The following EHBP1 variants were observed in gnomAD, a reference collection of about 807,000 sequenced individuals.
EHBP1 encodes EH domain binding protein 1.
In EHBP1, 55 loss-of-function variants were observed where a neutral mutation model predicts 144.0. That is an observed-to-expected ratio of 0.38 (90% CI 0.31 to 0.48). EHBP1 has a LOEUF of 0.48. EHBP1 is among the 20% of genes least tolerant of loss of function. The pLI, the probability that EHBP1 is intolerant of heterozygous loss-of-function variation, is 0.98. For synonymous variants in EHBP1, 469 were observed against 472.7 expected, an observed-to-expected ratio of 0.99 and a Z score of 0.10; for missense variants, 1,200 against 1,364.2, an observed-to-expected ratio of 0.88 and a Z score of 1.90.
At chr2:62,829,928 T>A (rs2046677244) in intron 6 of EHBP1, among the ~76,000 whole-genome samples, 1 of 150,964 alleles carries the variant, frequency 6.6e-6, no homozygotes, top group Admixed American at 6.6e-5. Flanking sequence ...AAAAACAGTA[T>A]GGAGATTCCT....
Position 62,948,232 on chromosome 2 carries a change from A to G in EHBP1, c.1414-28A>G, listed in dbSNP as rs189674845. On this transcript the variant is annotated intron_variant, in intron 12 of 22. Transcript: ENST00000431489. ...GTGTGAATTATATGAACTGTTCAATATATCTTTTGTTTTTCCTTCCTTTGA... is the reference window on the plus strand; with the variant it reads ...GTGTGAATTATATGAACTGTTCAATGTATCTTTTGTTTTTCCTTCCTTTGA... 9.3e-5 allele frequency: 141 copies of G among 1,515,432 alleles called. No homozygotes were observed. In the African/African-American group the frequency reaches 1.6e-3, roughly 17 times the overall value. 93.9% of individuals were successfully genotyped at this position (1,515,432 alleles called of 1,614,324 possible).
chr2:62,801,384 C>A (rs2043974069), intron 5 of EHBP1, among the ~76,000 whole-genome samples: 1 of 152,180 alleles, frequency 6.6e-6, no homozygotes, highest in Non-Finnish European at 1.5e-5. Context: ...TTATATCAAT[C>A]ACACCATCTA....
intron 14 of EHBP1, among the ~76,000 whole-genome samples, chr2:62,973,007 C>G (rs911108349): frequency 6.6e-6 from 1 of 152,036 alleles, no homozygotes; most frequent in Admixed American, 6.6e-5. Flanking sequence ...TAAGTACAAA[C>G]AAACAATTTA....
At position 62,948,467 on chromosome 2, in the gene EHBP1, A is replaced by G. The variant is rs779504757; in HGVS notation, c.1621A>G (p.Asn541Asp). 3 of 1,613,448 alleles carry G rather than the reference A, an allele frequency of 1.9e-6. No homozygotes were observed. Among genetic ancestry groups the G allele is most frequent in the Non-Finnish European group, 2.5e-6 (3 of 1,179,502 alleles). The change falls in exon 13 of 23, where the codon AAC (asparagine) becomes GAC (aspartate). Residue 541 changes from asparagine to aspartate, a missense_variant. By Grantham distance (23) the Asn-to-Asp change is conservative. This residue lies in a region of EHBP1 where 94 missense variants were observed against 143.0 expected (regional missense o/e 0.66). Transcript: ENST00000431489. ...AGTTGGAAACTATGAAACAGATACA[A>G]ACAGTTCTGTTGATCAAGAAAAATT... ...YKVGNYETDT[N>D]SSVDQEKFYA...
At chr2:62,715,715 C>T (rs563823893) in intron 2 of EHBP1, among the ~76,000 whole-genome samples, 6 of 152,106 alleles carry the variant, frequency 3.9e-5, no homozygotes, top group Non-Finnish European at 8.8e-5. Flanking sequence ...CGATTTTCAA[C>T]TATGTGAATG....
chr2:62,757,079 A>G (rs1421211423), intron 3 of EHBP1, among the ~76,000 whole-genome samples: 1 of 152,176 alleles, frequency 6.6e-6, no homozygotes, highest in African/African-American at 2.4e-5. Context: ...ACTTGCTGCT[A>G]AGTACCACTG....
intron 10 of EHBP1, among the ~76,000 whole-genome samples, chr2:62,882,615 G>T (rs556715671): frequency 6.6e-6 from 1 of 152,334 alleles, no homozygotes; most frequent in East Asian, 1.9e-4. Flanking sequence ...GGGTGCGGTG[G>T]CTCACGCCTG....
At chr2:62,858,608 G>C (rs995558187) in intron 7 of EHBP1, 4 of 761,652 alleles carry the variant, frequency 5.3e-6, no homozygotes, top group African/African-American at 1.7e-5. Context: ...TGTCAGTTTT[G>C]TCTTTGTGCT....
chr2:63,029,239 GGCATCT>G (rs1318501231), intron 19 of EHBP1, among the ~76,000 whole-genome samples: 1 of 151,540 alleles, frequency 6.6e-6, no homozygotes, highest in African/African-American at 2.4e-5. Context: ...GACCCTGTAG[GGCATCT>G]GCTTTGTTTT....
At chr2:63,010,239 T>C (rs1306309280) in intron 19 of EHBP1, among the ~76,000 whole-genome samples, 4 of 151,480 alleles carry the variant, frequency 2.6e-5, no homozygotes, top group African/African-American at 4.8e-5. Flanking sequence ...TTTAGTTTAC[T>C]GATAAAAACA....
intron 2 of EHBP1, among the ~76,000 whole-genome samples, chr2:62,718,012 A>G (rs1283486455): frequency 1.3e-5 from 2 of 152,236 alleles, no homozygotes; most frequent in Admixed American, 1.3e-4. Context: ...TAAAGAAAGT[A>G]TATAAATTTG....
intron 14 of EHBP1, among the ~76,000 whole-genome samples, chr2:62,958,330 C>T (rs1208522262): frequency 6.6e-6 from 1 of 152,102 alleles, no homozygotes; most frequent in Admixed American, 6.5e-5. Flanking sequence ...CATCACCAGA[C>T]AAATGAATAA....
At chr2:62,799,565 T>G (rs1431853132) in intron 5 of EHBP1, among the ~76,000 whole-genome samples, 1 of 152,202 alleles carries the variant, frequency 6.6e-6, no homozygotes, top group Non-Finnish European at 1.5e-5. Context: ...ACCTATATGA[T>G]TTTTTTAATC....
At chr2:62,795,680 C>G (rs539865021) in intron 5 of EHBP1, among the ~76,000 whole-genome samples, 1 of 152,024 alleles carries the variant, frequency 6.6e-6, no homozygotes, top group East Asian at 1.9e-4. Flanking sequence ...TTGAATAAAT[C>G]ATAGATTAAA....
chr2:62,845,517 TAGGGC>T (rs1330329880), intron 7 of EHBP1, among the ~76,000 whole-genome samples: 3 of 152,108 alleles, frequency 2.0e-5, no homozygotes, highest in Admixed American at 6.5e-5. Context: ...TTCTACTTAC[TAGGGC>T]TATGAATGGA....
At chr2:62,854,885 G>T (rs1319700019) in intron 7 of EHBP1, among the ~76,000 whole-genome samples, 2 of 152,180 alleles carry the variant, frequency 1.3e-5, no homozygotes, top group Non-Finnish European at 2.9e-5. Flanking sequence ...TTCTGAGTTG[G>T]GGCTGGAGCT....
At chr2:62,851,539 T>A (rs2048696179) in intron 7 of EHBP1, among the ~76,000 whole-genome samples, 1 of 152,214 alleles carries the variant, frequency 6.6e-6, no homozygotes, top group African/African-American at 2.4e-5. Context: ...TGATAATGTT[T>A]ATCATACAGT....
chr2:62,938,154 A>G (rs1042379437), intron 10 of EHBP1, among the ~76,000 whole-genome samples: 1 of 152,176 alleles, frequency 6.6e-6, no homozygotes, highest in Non-Finnish European at 1.5e-5. Context: ...AGCAGGTTGT[A>G]AAGAAAGATC....
chr2:62,707,345 T>C, intron 2 of EHBP1, 50 bp downstream of exon 2: 1 of 1,384,564 alleles, frequency 7.2e-7, no homozygotes, highest in Non-Finnish European at 1.0e-6. Context: ...CTAAGCATAC[T>C]GTGGCCTAAA....
Sources: gnomAD v4.1 joint callset for allele counts (sites outside exome capture counted in the v4.1 genomes callset) on GRCh38, gnomAD v4.1.1 for gene constraint, gnomAD v4.1.1 regional missense constraint, MANE v1.5 for transcripts, NCBI Gene and HGNC (gene_info 2026-07-23, HGNC 2026-07-21) for gene names.